LINGO4: variants seen among roughly 807,000 people sequenced by gnomAD.
The protein encoded by LINGO4 is leucine rich repeat and Ig domain containing 4.
LINGO4 carries 22 observed loss-of-function variants against 27.9 expected under a neutral mutation model. The ratio of observed to expected loss-of-function variants is 0.79; its 90% CI spans 0.56 to 1.13. The LOEUF (loss-of-function observed/expected upper bound fraction) is 1.13. Ranked by LOEUF, LINGO4 falls within the 50% of genes most tolerant of loss-of-function variation. The pLI is 0.00. For synonymous variants in LINGO4, 306 were observed against 325.8 expected, an observed-to-expected ratio of 0.94 and a Z score of 0.65; for missense variants, 706 against 739.4, an observed-to-expected ratio of 0.95 and a Z score of 0.52.
In LINGO4 at chr1:151,801,845, G is replaced by A; in HGVS notation, c.860C>T (p.Pro287Leu). ...FLRVLDLSQN[P>L]ISAIPARRLS... ...CCTTCGGGCTGGGATGGCTGAGATG[G>A]GATTCTGGGACAGATCCAGGACCCT... Residue 287 changes from proline (P) to leucine (L), a missense_variant, in exon 2 of 2, where the codon CCC (proline) becomes CTC (leucine). Pro to Leu is a moderately conservative substitution (Grantham distance 98, BLOSUM62 -3). Coordinates refer to ENST00000368820, the MANE Select transcript of LINGO4 (RefSeq NM_001004432.4). The surrounding 1 kb of genome is among the most constrained non-coding windows in gnomAD (Gnocchi z 5.7). 6.2e-7 allele frequency: 1 copy of A among 1,614,200 alleles called. No homozygotes were observed. Among genetic ancestry groups the A allele is most frequent in the Non-Finnish European group, 8.5e-7 (1 of 1,180,036 alleles).
In LINGO4 at chr1:151,801,940, G is replaced by T. The variant is rs763227379; in HGVS notation, c.765C>A (p.Ser255Arg). Residue 255 changes from serine (S) to arginine (R), a missense_variant, in exon 2 of 2, where the codon AGC (serine) becomes AGA (arginine). Coordinates refer to ENST00000368820, the MANE Select transcript of LINGO4 (RefSeq NM_001004432.4). The surrounding 1 kb of genome is among the most constrained non-coding windows in gnomAD (Gnocchi z 5.7). ...DPGSLVGLNL[S>R]SLAITRCNLS... ...GATTGCAGCGAGTGATGGCCAGGCTGCTGAGATTGAGCCCAACCAGGCTCC... is the reference window on the plus strand; with the variant it reads ...GATTGCAGCGAGTGATGGCCAGGCTTCTGAGATTGAGCCCAACCAGGCTCC... The T allele has an allele frequency of 5.6e-6, 9 of 1,614,190 alleles. No homozygotes were observed. The highest frequency in any genetic ancestry group is 7.6e-6 in the Non-Finnish European group (9 of 1,180,014).
chr1:151,804,729 C>G (rs1651239831), intron 1 of LINGO4, among the ~76,000 whole-genome samples: 2 of 152,226 alleles, frequency 1.3e-5, no homozygotes, highest in Admixed American at 1.3e-4. Flanking sequence ...TTGCAGGAAG[C>G]GAGATGTCAG....
Position 151,800,652 on chromosome 1 carries a change from T to C in LINGO4, c.*271A>G. 2.3e-6 allele frequency: 1 copy of C among 441,162 alleles called. No homozygotes were observed. The highest frequency in any genetic ancestry group is 4.0e-6 in the Non-Finnish European group (1 of 247,670). The allele number at this position is 441,162 out of a possible 1,614,324, so 27.3% of individuals were successfully genotyped here. A position where few individuals can be genotyped will look rare whatever the true frequency, so the allele number is the denominator to read the frequency against. ...ACTAGCGCTTTGATTATGTTTCCTG[T>C]TTTGTGTGTGGAGGGGGTGAAGCAG... On this transcript the variant is annotated 3_prime_UTR_variant, in exon 2 of 2. Transcript: ENST00000368820.
At chr1:151,802,844 G>C in intron 1 of LINGO4, 127 bp from the exon 2 acceptor site, 3 of 575,428 alleles carry the variant, frequency 5.2e-6, no homozygotes, top group Non-Finnish European at 8.5e-6. Flanking sequence ...AATAAGTAGG[G>C]CACAGAACCA....
chr1:151,804,920 TG>T (rs1271570630), intron 1 of LINGO4, among the ~76,000 whole-genome samples: 6 of 152,116 alleles, frequency 3.9e-5, no homozygotes, highest in African/African-American at 1.4e-4. Flanking sequence ...GGGAACTGTG[TG>T]GGGAGAGGGT....
chr1:151,803,225 C>T (rs565701002), intron 1 of LINGO4, among the ~76,000 whole-genome samples: 1 of 152,306 alleles, frequency 6.6e-6, no homozygotes, highest in South Asian at 2.1e-4. Context: ...GCCCAGAGTT[C>T]CCTGTCCTGA....
intron 1 of LINGO4, among the ~76,000 whole-genome samples, chr1:151,804,387 C>A (rs77700983): frequency 0.016 from 2,390 of 152,280 alleles, 60 homozygotes; most frequent in African/African-American, 0.051. Flanking sequence ...CCAAACTGAC[C>A]TAACAGGTCT....
Position 151,800,529 on chromosome 1 carries a change from C to A in LINGO4, c.*394G>T, listed in dbSNP as rs1651115464. The A allele has an allele frequency of 5.8e-6, 1 of 173,394 alleles. No homozygotes were observed. Among genetic ancestry groups the A allele is most frequent in the Non-Finnish European group, 1.2e-5 (1 of 81,384 alleles). The allele number at this position is 173,394 out of a possible 1,614,324, so 10.7% of individuals were successfully genotyped here. ...GACTCTAAGGAGCAAGTGGCACTTC[C>A]CAGCCCCACCTCTGAAATAATCTTA... On this transcript the variant is annotated 3_prime_UTR_variant, in exon 2 of 2. Transcript: ENST00000368820.
intron 1 of LINGO4, among the ~76,000 whole-genome samples, chr1:151,804,899 G>A (rs1651244075): frequency 6.6e-6 from 1 of 152,196 alleles, no homozygotes; most frequent in African/African-American, 2.4e-5. Context: ...AAGCACACCT[G>A]ACTGACAAAT....
In LINGO4 at chr1:151,805,297, T is replaced by C. The variant is rs2101646448; in HGVS notation, c.-81A>G. ...TCCAGCGCTGGGGGCCCTGTCCCAT[T>C]CGAGCTGCACCTCAGGCCCCTGCAC... On this transcript the variant is annotated 5_prime_UTR_variant, in exon 1 of 2. Transcript: ENST00000368820. The C allele has an allele frequency of 6.3e-6, 1 of 158,926 alleles. No homozygotes were observed. The highest frequency in any genetic ancestry group is 3.0e-3 in the Middle Eastern group (1 of 334). The allele number at this position is 158,926 out of a possible 1,614,324, so 9.8% of individuals were successfully genotyped here. A position where few individuals can be genotyped will look rare whatever the true frequency, so the allele number is the denominator to read the frequency against.
rs760977312 is a variant in LINGO4 at position 151,801,290 on chromosome 1, C to A, written c.1415G>T (p.Arg472Leu). Residue 472 changes from arginine to leucine, a missense_variant, in exon 2 of 2, where the codon CGC becomes CTC. By Grantham distance (102) the Arg-to-Leu change is moderately radical (BLOSUM62 -2). Transcript: ENST00000368820. The surrounding 1 kb of genome is among the most constrained non-coding windows in gnomAD (Gnocchi z 5.7). Reference sequence around the variant, plus strand: ...CCCTCTGTCCCGTAGCTGCACTGAGCGGATCTCCAGTGTCCCATCCTCTAG... The same window carrying A: ...CCCTCTGTCCCGTAGCTGCACTGAGAGGATCTCCAGTGTCCCATCCTCTAG... ...RVLEDGTLEI[R>L]SVQLRDRGAY... is the part of the protein sequence containing the mutation. 1.2e-6 allele frequency: 2 copies of A among 1,613,938 alleles called. No homozygotes were observed. The highest frequency in any genetic ancestry group is 1.7e-6 in the Non-Finnish European group (2 of 1,179,812).
Position 151,801,850 on chromosome 1 carries a change from C to A in LINGO4, c.855G>T (p.Gln285His). 1 of 1,614,214 alleles carries A rather than the reference C, an allele frequency of 6.2e-7. No homozygotes were observed. The highest frequency in any genetic ancestry group is 8.5e-7 in the Non-Finnish European group (1 of 1,180,030). Residue 285 changes from glutamine (Q) to histidine (H), a missense_variant, in exon 2 of 2, where the codon CAG becomes CAT. By Grantham distance (24) the Gln-to-His change is conservative. Transcript: ENST00000368820. The surrounding 1 kb of genome is among the most constrained non-coding windows in gnomAD (Gnocchi z 5.7). Reference protein sequence around the residue: ...LSFLRVLDLSQNPISAIPARR... With the variant: ...LSFLRVLDLSHNPISAIPARR... ...GGGCTGGGATGGCTGAGATGGGATT[C>A]TGGGACAGATCCAGGACCCTGAGGA...
At chr1:151,803,396 C>G (rs1400714573) in intron 1 of LINGO4, among the ~76,000 whole-genome samples, 1 of 152,248 alleles carries the variant, frequency 6.6e-6, no homozygotes, top group Non-Finnish European at 1.5e-5. Flanking sequence ...AACTGCCAAG[C>G]TGTACATTAG....
chr1:151,800,520 T>A lies in LINGO4; in HGVS notation c.*403A>T, dbSNP rs1392160239. On this transcript the variant is annotated 3_prime_UTR_variant, in exon 2 of 2. Coordinates refer to ENST00000368820, the MANE Select transcript of LINGO4 (RefSeq NM_001004432.4). Reference sequence around the variant, plus strand: ...TGACAAACAGACTCTAAGGAGCAAGTGGCACTTCCCAGCCCCACCTCTGAA... The same window carrying A: ...TGACAAACAGACTCTAAGGAGCAAGAGGCACTTCCCAGCCCCACCTCTGAA... 6 of 170,354 alleles carry A rather than the reference T, an allele frequency of 3.5e-5. No homozygotes were observed. Among genetic ancestry groups the A allele is most frequent in the Admixed American group, 1.1e-4 (2 of 17,526 alleles). 10.6% of individuals were successfully genotyped at this position (170,354 alleles called of 1,614,324 possible).
In LINGO4 at chr1:151,800,341, C is replaced by G. The variant is rs1296883441; in HGVS notation, c.*582G>C. 6.6e-6 allele frequency: 1 copy of G among 152,428 alleles called. No individual in the cohort carries two copies. Among genetic ancestry groups the G allele is most frequent in the African/African-American group, 2.4e-5 (1 of 41,432 alleles). 9.4% of individuals were successfully genotyped at this position (152,428 alleles called of 1,614,324 possible). On this transcript the variant is annotated 3_prime_UTR_variant, in exon 2 of 2. Coordinates refer to ENST00000368820, the MANE Select transcript of LINGO4 (RefSeq NM_001004432.4). ...GGTAGATAGAGGAAGGTGGTAGAGGCTCATGCAAACACAGTGCAGTATATG... is the reference window on the plus strand; with the variant it reads ...GGTAGATAGAGGAAGGTGGTAGAGGGTCATGCAAACACAGTGCAGTATATG...
Position 151,802,154 on chromosome 1 carries a change from GT to G in LINGO4, c.550del (p.Thr184ProfsTer15). ...GAGGTTGCAGCGCTCCAGGGTGAGG[GT>G]GCTCAACTTGGCTAGCCCTGCAAAG... ...GAFAGLAKLS[T>X]LTLERCNLST... is the part of the protein sequence containing the mutation. On this transcript the variant is annotated frameshift_variant, in exon 2 of 2. Transcript: ENST00000368820. LOFTEE classifies it high-confidence loss of function. The G allele has an allele frequency of 6.2e-7, 1 of 1,613,932 alleles. No individual in the cohort carries two copies. The highest frequency in any genetic ancestry group is 8.5e-7 in the Non-Finnish European group (1 of 1,180,040).
rs781355483 is a variant in LINGO4, at chr1:151,802,477, C to A, written c.228G>T (p.Gln76His). ...GGCTCAGGCGGGAGAGCATTCCCTG[C>A]TGGAGCCCCCACAGGCGGTTCCCAC... ...DLSGNRLWGL[Q>H]QGMLSRLSLL... Residue 76 changes from glutamine (Q) to histidine (H), a missense_variant, in exon 2 of 2, where the codon CAG (glutamine) becomes CAT (histidine). By Grantham distance (24) the Gln-to-His change is conservative. Coordinates refer to ENST00000368820, the MANE Select transcript of LINGO4 (RefSeq NM_001004432.4). 5.0e-6 allele frequency: 8 copies of A among 1,613,972 alleles called. No individual in the cohort carries two copies. In the East Asian group the frequency reaches 6.7e-5, roughly 13 times the overall value.
In LINGO4 at chr1:151,800,902, T is replaced by C. The variant is rs1353920692; in HGVS notation, c.*21A>G. On this transcript the variant is annotated 3_prime_UTR_variant, in exon 2 of 2. Coordinates refer to ENST00000368820, the MANE Select transcript of LINGO4 (RefSeq NM_001004432.4). ...GGTATCTGAAGCGGACTTGGTGGGT[T>C]CCCCACTGGGGAAGGAAAGGTCAGA... is the stretch of plus-strand genomic sequence containing the variant. 6.3e-7 allele frequency: 1 copy of C among 1,577,040 alleles called. No individual in the cohort carries two copies. Among genetic ancestry groups the C allele is most frequent in the East Asian group, 2.2e-5 (1 of 44,476 alleles).
intron 1 of LINGO4, 46 bp from the exon 2 acceptor site, chr1:151,802,763 T>C: frequency 7.4e-7 from 1 of 1,354,726 alleles, no homozygotes; most frequent in East Asian, 2.5e-5. Context: ...TGGCTTCAGA[T>C]GACGGTGACC....
Sources: gnomAD v4.1 joint callset for allele counts (sites outside exome capture counted in the v4.1 genomes callset) on GRCh38, gnomAD v4.1.1 for gene constraint, Gnocchi (gnomAD v3.1) non-coding constraint, MANE v1.5 for transcripts, NCBI Gene and HGNC (gene_info 2026-07-23, HGNC 2026-07-21) for gene names.